Variants in NBPF9 observed in about 807,000 individuals in gnomAD.
NBPF9 encodes NBPF member 9.
In NBPF9, 91 loss-of-function variants were observed where a neutral mutation model predicts 97.8. That is an observed-to-expected ratio of 0.93 (90% CI 0.79 to 1.11). The LOEUF is 1.11. NBPF9 is among the 50% of genes least tolerant of loss of function. The pLI, the probability that NBPF9 is intolerant of heterozygous loss-of-function variation, is 0.00. For synonymous variants in NBPF9, 334 were observed against 359.5 expected, an observed-to-expected ratio of 0.93 and a Z score of 0.80; for missense variants, 992 against 939.5, an observed-to-expected ratio of 1.06 and a Z score of -0.73.
intron 19 of NBPF9, among the ~76,000 whole-genome samples, chr1:149,064,129 T>C (rs2078857159): frequency 7.2e-6 from 1 of 138,460 alleles, no homozygotes; most frequent in Non-Finnish European, 1.5e-5. Flanking sequence ...CAGTGAACAG[T>C]GATCATGAAA....
At chr1:149,087,828 CT>C (rs60084667) in intron 5 of NBPF9, among the ~76,000 whole-genome samples, 221 of 88,556 alleles carry the variant, frequency 2.5e-3, no homozygotes, top group South Asian at 0.012. Context: ...GTTGACTTTC[CT>C]TTTTTTTTTT....
intron 2 of NBPF9, among the ~76,000 whole-genome samples, chr1:149,102,495 G>A (rs1553663525): frequency 6.6e-6 from 1 of 151,762 alleles, no homozygotes; most frequent in South Asian, 2.1e-4. Context: ...GCAAAGAAAG[G>A]ATGAACAACA....
intron 8 of NBPF9, among the ~76,000 whole-genome samples, 154 bp downstream of exon 8, chr1:149,079,899 T>C (rs587766679): frequency 6.6e-6 from 1 of 152,302 alleles, no homozygotes; most frequent in Admixed American, 6.5e-5. Context: ...TTATTATCCT[T>C]GTTCTCTGAT....
At chr1:149,076,502 TTTA>T (rs1267369483) in intron 11 of NBPF9, among the ~76,000 whole-genome samples, 3 of 144,386 alleles carry the variant, frequency 2.1e-5, no homozygotes, top group Non-Finnish European at 3.0e-5. Flanking sequence ...GGTCAGAGAC[TTTA>T]TTTTTTTTTT....
At chr1:149,094,146 GATAAA>G (rs1377401425) in intron 4 of NBPF9, among the ~76,000 whole-genome samples, 2 of 152,010 alleles carry the variant, frequency 1.3e-5, no homozygotes, top group African/African-American at 2.4e-5. Flanking sequence ...CAAAAGAAAA[GATAAA>G]ATAAAGACGG....
chr1:149,065,888 A>G (rs1430998024), intron 17 of NBPF9, 199 bp from the exon 18 acceptor site: 3 of 722,010 alleles, frequency 4.2e-6, no homozygotes, highest in African/African-American at 3.6e-5. Flanking sequence ...AAAAATGGGC[A>G]GCGTGTGCTC....
chr1:149,062,628 T>C (rs1214367719), intron 21 of NBPF9, among the ~76,000 whole-genome samples: 14 of 145,024 alleles, frequency 9.7e-5, no homozygotes, highest in African/African-American at 3.1e-4. Flanking sequence ...CAAGATTCCA[T>C]GCAGTTGCCA....
exon 14 of NBPF9, chr1:149,072,845 T>C: frequency 6.2e-7 from 1 of 1,604,002 alleles, no homozygotes; most frequent in Non-Finnish European, 8.5e-7. Flanking sequence ...GCTCATTCAA[T>C]GAGCGGGAGG....
At chr1:149,058,794 C>G (rs1553649596) in intron 26 of NBPF9, 131 bp downstream of exon 26, 1 of 678,886 alleles carries the variant, frequency 1.5e-6, no homozygotes, top group African/African-American at 1.9e-5. Flanking sequence ...TCATTACAAC[C>G]TATATGCGCC....
intron 15 of NBPF9, 95 bp from the exon 16 acceptor site, chr1:149,071,234 A>T: frequency 8.1e-7 from 1 of 1,236,676 alleles, no homozygotes; most frequent in Non-Finnish European, 1.2e-6. Context: ...CGGCATTAAG[A>T]GAGTGGTCCC....
intron 15 of NBPF9, among the ~76,000 whole-genome samples, 180 bp downstream of exon 15, chr1:149,071,424 C>T (rs1340995720): frequency 7.4e-5 from 11 of 148,246 alleles, no homozygotes; most frequent in East Asian, 2.3e-4. Context: ...ACATGACACT[C>T]GGCACACATA....
At chr1:149,079,101 C>T (rs782030123) in exon 9 of NBPF9, 35 of 1,306,718 alleles carry the variant, frequency 2.7e-5, no homozygotes, top group South Asian at 1.1e-4. Context: ...CCGGCTCATC[C>T]GGAGTGAGGA....
At chr1:149,061,711 CCT>C (rs2078605422) in intron 22 of NBPF9, 1 of 256,890 alleles carries the variant, frequency 3.9e-6, no homozygotes, top group African/African-American at 4.1e-5. Flanking sequence ...AGTATTCAGC[CCT>C]GTCTCATCAA....
intron 17 of NBPF9, among the ~76,000 whole-genome samples, chr1:149,068,222 C>T (rs1162916469): frequency 0.013 from 1,908 of 143,130 alleles, 55 homozygotes; most frequent in African/African-American, 0.052. Flanking sequence ...CATCAACTAA[C>T]GGGTGAAATA....
intron 4 of NBPF9, among the ~76,000 whole-genome samples, chr1:149,098,129 G>C (rs1380646061): frequency 1.3e-5 from 2 of 149,254 alleles, no homozygotes; most frequent in African/African-American, 4.9e-5. Context: ...TGGGGGCAGA[G>C]AATGGGGGGT....
At chr1:149,069,062 C>A (rs1296842229) in intron 17 of NBPF9, among the ~76,000 whole-genome samples, 13 of 152,194 alleles carry the variant, frequency 8.5e-5, no homozygotes, top group African/African-American at 3.1e-4. Context: ...TAAAGACGTT[C>A]TTTGAAACCA....
At chr1:149,101,923 CTTTTTTT>C (rs1229722249) in intron 2 of NBPF9, among the ~76,000 whole-genome samples, 1 of 80,648 alleles carries the variant, frequency 1.2e-5, no homozygotes, top group Admixed American at 1.2e-4. Flanking sequence ...ATTACCTGTA[CTTTTTTT>C]TTTTTTTTTT....
intron 21 of NBPF9, 42 bp downstream of exon 21, chr1:149,062,820 G>C (rs879961410): frequency 1.4e-6 from 1 of 698,264 alleles, no homozygotes. Context: ...GCATCTCCAG[G>C]TGTCAACACA....
Position 149,058,701 on chromosome 1 carries a change from G to T in NBPF9, c.2758+224C>A, listed in dbSNP as rs1553649576. 642 of 345,436 alleles carry T rather than the reference G, an allele frequency of 1.9e-3. 12 individuals are homozygous for T. The highest frequency in any genetic ancestry group is 0.013 in the South Asian group (612 of 46,402). The allele number at this position is 345,436 out of a possible 1,614,324, so 21.4% of individuals were successfully genotyped here. ...AATGTGCTGAGAGCGGGCTCAGGTT[G>T]CCACAGGCATGGCTGGAGACTAGGA... On this transcript the variant is annotated intron_variant, in intron 26 of 29. Coordinates refer to ENST00000584027, the Ensembl canonical transcript of NBPF9.
Sources: allele counts gnomAD v4.1 joint callset (sites outside exome capture counted in the v4.1 genomes callset), GRCh38; gene constraint gnomAD v4.1.1; transcripts MANE v1.5; gene names NCBI Gene and HGNC (gene_info 2026-07-23, HGNC 2026-07-21).